The following BRWD1 variants were observed in gnomAD, a reference collection of about 807,000 sequenced individuals.
BRWD1 encodes bromodomain and WD repeat domain containing 1.
In BRWD1, 82 loss-of-function variants were observed where a neutral mutation model predicts 251.2. That is an observed-to-expected ratio of 0.33 (90% CI 0.27 to 0.39). The LOEUF is 0.39. BRWD1 is among the 10% of genes least tolerant of loss of function. The pLI, the probability that BRWD1 is intolerant of heterozygous loss-of-function variation, is 1.00. For synonymous variants in BRWD1, 918 were observed against 902.8 expected, an observed-to-expected ratio of 1.02 and a Z score of -0.30; for missense variants, 2,233 against 2,711.6, an observed-to-expected ratio of 0.82 and a Z score of 3.92.
intron 18 of BRWD1, among the ~76,000 whole-genome samples, chr21:39,256,529 C>T (rs116361987): frequency 3.2e-4 from 48 of 152,304 alleles, no homozygotes; most frequent in Admixed American, 2.9e-3. Context: ...GAAGACAACA[C>T]TGACGCTCTG....
At chr21:39,200,113 CAT>C (rs2146463551) in intron 39 of BRWD1, 104 bp downstream of exon 39, 1 of 1,099,922 alleles carries the variant, frequency 9.1e-7, no homozygotes, top group East Asian at 2.5e-5. Flanking sequence ...ACCTAAAGGA[CAT>C]TAACTTAATC....
chr21:39,264,996 A>G lies in BRWD1; in HGVS notation c.1554T>C (p.Ala518=). Reference sequence around the variant, plus strand: ...CCTGTGAAAACTTACAGTCAAACACAGCTCCATGTCCTTGTCCTTCAATCT... The same window carrying G: ...CCTGTGAAAACTTACAGTCAAACACGGCTCCATGTCCTTGTCCTTCAATCT... The part of the protein sequence containing the change: ...FNMIEGQGHG[A]VFDCKFSQDG... The change falls in exon 16 of 41, where the codon GCT becomes GCC. Residue 518 remains alanine, a synonymous_variant. Transcript: ENST00000342449. The G allele has an allele frequency of 5.6e-6, 9 of 1,613,966 alleles. No individual in the cohort carries two copies. Among genetic ancestry groups the G allele is most frequent in the Non-Finnish European group, 7.6e-6 (9 of 1,179,936 alleles).
At chr21:39,197,913 G>C (rs192197509) in intron 40 of BRWD1, among the ~76,000 whole-genome samples, 321 of 152,288 alleles carry the variant, frequency 2.1e-3, no homozygotes, top group Admixed American at 3.1e-3. Context: ...GCACATGACT[G>C]TACTTTAAAG....
intron 36 of BRWD1, among the ~76,000 whole-genome samples, chr21:39,209,037 G>A (rs147298330): frequency 2.3e-3 from 352 of 151,584 alleles, no homozygotes; most frequent in African/African-American, 8.3e-3. Context: ...AACTCCCTCT[G>A]CTTATGAGAT....
Position 39,313,545 on chromosome 21 carries a change from C to G in BRWD1, c.-54G>C, listed in dbSNP as rs1465159193. ...GAGCGAGCGAGCGGAGCGTGTAGGC[C>G]GCGCCGAGGCCTGACCGGGCTGGCG... is the stretch of plus-strand genomic sequence containing the variant. On this transcript the variant is annotated 5_prime_UTR_variant, in exon 1 of 41. Transcript: ENST00000342449. 16 of 1,297,984 alleles carry G rather than the reference C, an allele frequency of 1.2e-5. No individual in the cohort carries two copies. In the East Asian group the frequency reaches 4.7e-4, roughly 39 times the overall value. The allele number at this position is 1,297,984 out of a possible 1,614,324, so 80.4% of individuals were successfully genotyped here.
intron 23 of BRWD1, chr21:39,235,581 T>C: frequency 4.6e-6 from 1 of 216,406 alleles, no homozygotes; most frequent in Admixed American, 4.2e-5. Flanking sequence ...GAATGTTTCT[T>C]CTAAATATAT....
chr21:39,285,810 GTCCCAGCTAC>G (rs1486997361), intron 8 of BRWD1, among the ~76,000 whole-genome samples: 12 of 137,690 alleles, frequency 8.7e-5, no homozygotes, highest in South Asian at 6.8e-4. Context: ...CACACCTGTA[GTCCCAGCTAC>G]TCCCAGCTAC....
intron 8 of BRWD1, among the ~76,000 whole-genome samples, chr21:39,283,381 C>T (rs1467420069): frequency 6.6e-6 from 1 of 152,196 alleles, no homozygotes; most frequent in Non-Finnish European, 1.5e-5. Flanking sequence ...AGACTATTTC[C>T]TTCCCCAACC....
At chr21:39,320,034 G>A (rs1267496522) in intron 1 of BRWD1, among the ~76,000 whole-genome samples, 1 of 152,104 alleles carries the variant, frequency 6.6e-6, no homozygotes, top group African/African-American at 2.4e-5. Context: ...TAACACTGTG[G>A]AGGACATTCT....
At position 39,199,072 on chromosome 21, in the gene BRWD1, G is replaced by A. The variant is rs146953324; in HGVS notation, c.5344C>T (p.Leu1782Phe). The A allele has an allele frequency of 1.5e-4, 240 of 1,614,034 alleles. No individual in the cohort carries two copies. The highest frequency in any genetic ancestry group is 1.8e-4 in the Non-Finnish European group (217 of 1,180,038). ...TCCTCTGAGATGCTCTCTGCCTTAA[G>A]TTTCTGCACAGACGTTGATGGGCCA... ...TAGPSTSVQK[L>F]KAESISEEAD... The change falls in exon 40 of 41, where the codon CTT (leucine) becomes TTT (phenylalanine). Residue 1782 changes from leucine (L) to phenylalanine (F), a missense_variant. Physicochemically the swap from Leu to Phe is conservative, Grantham distance 22. This residue lies in a region of BRWD1 where 928 missense variants were observed against 970.0 expected (regional missense o/e 0.96). Transcript: ENST00000342449.
rs1404875243 is a variant in BRWD1 at position 39,194,561 on chromosome 21, A to G, written c.*1698T>C. 15 of 1,454,164 alleles carry G rather than the reference A, an allele frequency of 1.0e-5. No individual in the cohort carries two copies. Among genetic ancestry groups the G allele is most frequent in the Non-Finnish European group, 1.4e-5 (15 of 1,108,942 alleles). 90.1% of individuals were successfully genotyped at this position (1,454,164 alleles called of 1,614,324 possible). On this transcript the variant is annotated 3_prime_UTR_variant, in exon 41 of 41. Transcript: ENST00000342449. Reference sequence around the variant, plus strand: ...ACAAATGAGAGGAGGTTTCCCACCTATCTCAGTTGATAATGTCCAAAAACA... The same window carrying G: ...ACAAATGAGAGGAGGTTTCCCACCTGTCTCAGTTGATAATGTCCAAAAACA...
At position 39,286,804 on chromosome 21, in the gene BRWD1, G is replaced by T. The variant is rs189723774; in HGVS notation, c.832-6556C>A. ...GCTAGGATTGCAGACGTGAGCCACT[G>T]CGCCCGGCCCATTTTTGTTCTTGCC... On this transcript the variant is annotated intron_variant, in intron 8 of 40. Coordinates refer to ENST00000342449, the MANE Select transcript of BRWD1 (RefSeq NM_033656.4). Among the ~76,000 whole-genome samples the T allele has an allele frequency of 3.6e-3, 543 of 152,272 alleles. 1 individual carries two copies. Among genetic ancestry groups the T allele is most frequent in the Non-Finnish European group, 4.8e-3 (328 of 68,020 alleles).
intron 20 of BRWD1, among the ~76,000 whole-genome samples, chr21:39,248,081 T>C (rs988247114): frequency 6.6e-6 from 1 of 152,206 alleles, no homozygotes; most frequent in East Asian, 1.9e-4. Flanking sequence ...TTAACTGGTT[T>C]ACCACGAATG....
intron 7 of BRWD1, 116 bp downstream of exon 7, chr21:39,295,627 C>A: frequency 1.3e-6 from 1 of 780,136 alleles, no homozygotes; most frequent in Non-Finnish European, 1.9e-6. Flanking sequence ...CCACACCATA[C>A]CTACTGAGTC....
At chr21:39,277,751 G>C (rs2035323271) in intron 10 of BRWD1, among the ~76,000 whole-genome samples, 1 of 152,072 alleles carries the variant, frequency 6.6e-6, no homozygotes, top group African/African-American at 2.4e-5. Context: ...TTTTAGTAGA[G>C]ATGGGGGTCT....
Position 39,229,529 on chromosome 21 carries a change from T to C in BRWD1, c.3001-93A>G, listed in dbSNP as rs2033524106. ...CTGTTATATTAAGTAAACTCATAAT[T>C]TAGGCTTCCAAACCCGCAGACAAGT... On this transcript the variant is annotated intron_variant, in intron 25 of 40. Coordinates refer to ENST00000342449, the MANE Select transcript of BRWD1 (RefSeq NM_033656.4). 20 of 1,266,518 alleles carry C rather than the reference T, an allele frequency of 1.6e-5. No individual in the cohort carries two copies. The South Asian group carries it at 2.5e-4, about 16-fold the overall frequency. 78.5% of individuals were successfully genotyped at this position (1,266,518 alleles called of 1,614,324 possible). A position where few individuals can be genotyped will look rare whatever the true frequency, so the allele number is the denominator to read the frequency against.
chr21:39,197,057 T>G lies in BRWD1; in HGVS notation c.6012A>C (p.Glu2004Asp). Residue 2004 changes from glutamate (E) to aspartate (D), a missense_variant, in exon 41 of 41, where the codon GAA becomes GAC. Coordinates refer to ENST00000342449, the MANE Select transcript of BRWD1 (RefSeq NM_033656.4). ...CEGKPPDPDS[E>D]GSTKVLSQAL... Reference sequence around the variant, plus strand: ...CCTGACTAAGCACTTTTGTACTACCTTCGGAGTCAGGATCAGGTGGCTTGC... The same window carrying G: ...CCTGACTAAGCACTTTTGTACTACCGTCGGAGTCAGGATCAGGTGGCTTGC... The G allele has an allele frequency of 6.2e-7, 1 of 1,614,144 alleles. No individual in the cohort carries two copies. The highest frequency in any genetic ancestry group is 8.5e-7 in the Non-Finnish European group (1 of 1,179,966).
chr21:39,211,999 C>T (rs186916446), intron 34 of BRWD1, among the ~76,000 whole-genome samples: 48 of 152,182 alleles, frequency 3.2e-4, no homozygotes, highest in South Asian at 8.3e-4. Flanking sequence ...AACTTAGTTC[C>T]ATAGACCCTT....
In BRWD1 at chr21:39,247,735, G is replaced by A. The variant is rs752598351; in HGVS notation, c.2447C>T (p.Ser816Phe). 3.1e-6 allele frequency: 5 copies of A among 1,613,342 alleles called. No homozygotes were observed. Among genetic ancestry groups the A allele is most frequent in the Non-Finnish European group, 4.2e-6 (5 of 1,179,732 alleles). ...AGAGCTTGAAGACTCATTTCCAGAAGATAACTCACGCCAGCTACGATTTCT... is the reference window on the plus strand; with the variant it reads ...AGAGCTTGAAGACTCATTTCCAGAAAATAACTCACGCCAGCTACGATTTCT... ...GRRNRSWREL[S>F]SGNESSSSVR... The change falls in exon 21 of 41, where the codon TCT (serine) becomes TTT (phenylalanine). Residue 816 changes from serine (S) to phenylalanine (F), a missense_variant. Ser to Phe is a radical substitution (Grantham distance 155). Transcript: ENST00000342449.
Sources: allele counts gnomAD v4.1 joint callset (sites outside exome capture counted in the v4.1 genomes callset), GRCh38; gene constraint gnomAD v4.1.1; regional missense constraint gnomAD v4.1.1; transcripts MANE v1.5; gene names NCBI Gene and HGNC (gene_info 2026-07-23, HGNC 2026-07-21).